The following CCDC25 variants were observed in gnomAD, a reference collection of about 807,000 sequenced individuals.
CCDC25 encodes the protein coiled-coil domain containing 25.
CCDC25 carries 16 observed loss-of-function variants against 35.3 expected under a neutral mutation model. The observed-to-expected ratio is 0.45, with a 90% CI of 0.31 to 0.69. CCDC25 has a LOEUF of 0.69. CCDC25 is among the 30% of genes least tolerant of loss of function. The pLI is 0.06. For missense variants in CCDC25, 179 were observed against 250.7 expected (o/e 0.71, Z 1.93); for synonymous variants, 79 against 80.3 (o/e 0.98, Z 0.09).
intron 4 of CCDC25, 110 bp downstream of exon 4, chr8:27,756,609 G>C: frequency 2.8e-6 from 2 of 726,682 alleles, no homozygotes; most frequent in South Asian, 3.4e-5. Context: ...TTAACTTTTA[G>C]ATTTGCGTAC....
intron 1 of CCDC25, among the ~76,000 whole-genome samples, chr8:27,771,516 GCTCT>G (rs370757524): frequency 5.9e-4 from 90 of 151,544 alleles, no homozygotes; most frequent in African/African-American, 1.6e-3. Context: ...AGGTGACTCT[GCTCT>G]CTCTCTCTCT....
chr8:27,749,796 A>T (rs1803730245), intron 5 of CCDC25, among the ~76,000 whole-genome samples: 1 of 152,232 alleles, frequency 6.6e-6, no homozygotes, highest in African/African-American at 2.4e-5. Context: ...ACAGTTATTT[A>T]AGACAACGTC....
Position 27,737,875 on chromosome 8 carries a change from T to TACACACACACACACACACACACAC in CCDC25, c.598-1631_598-1630insGTGTGTGTGTGTGTGTGTGTGTGT, listed in dbSNP as rs200945575. Reference sequence around the variant, plus strand: ...GGATAAAGAAACTGTGGTGTGTGTATACACACACTCACACACACACACACA... The same window carrying TACACACACACACACACACACACAC: ...GGATAAAGAAACTGTGGTGTGTGTATACACACACACACACACACACACACACACACACTCACACACACACACACA... On this transcript the variant is annotated intron_variant, in intron 8 of 8. Coordinates refer to ENST00000356537, the MANE Select transcript of CCDC25 (RefSeq NM_018246.3). This position sits in a 1 kb window ranked among gnomAD's most constrained non-coding sequence, Gnocchi z 4.6. Among the ~76,000 whole-genome samples the TACACACACACACACACACACACAC allele has an allele frequency of 7.3e-6, 1 of 136,076 alleles. No individual in the cohort carries two copies. The highest frequency in any genetic ancestry group is 2.7e-5 in the African/African-American group (1 of 37,524). The allele number at this position is 136,076 out of a possible 152,430, so 89.3% of individuals were successfully genotyped here.
intron 7 of CCDC25, among the ~76,000 whole-genome samples, chr8:27,742,879 A>C (rs1803487602): frequency 6.6e-6 from 1 of 152,084 alleles, no homozygotes; most frequent in African/African-American, 2.4e-5. Context: ...AAACAAAACA[A>C]AACAAAAAAA....
At chr8:27,762,555 ATT>A in intron 2 of CCDC25, 97 bp from the exon 3 acceptor site, 1 of 1,035,452 alleles carries the variant, frequency 9.7e-7, no homozygotes, top group Non-Finnish European at 1.5e-6. Context: ...CCTCCCACAA[ATT>A]TCTCTCTCCC....
chr8:27,757,575 C>T (rs777335923), intron 3 of CCDC25, among the ~76,000 whole-genome samples: 5 of 152,002 alleles, frequency 3.3e-5, no homozygotes, highest in Non-Finnish European at 5.9e-5. Context: ...TTAATTAAAC[C>T]TTTTAAAATC....
chr8:27,735,239 A>G lies in CCDC25; in HGVS notation c.*977T>C, dbSNP rs1429100091. The G allele has an allele frequency of 6.6e-6, 1 of 152,644 alleles. No homozygotes were observed. Among genetic ancestry groups the G allele is most frequent in the Non-Finnish European group, 1.5e-5 (1 of 68,052 alleles). The allele number at this position is 152,644 out of a possible 1,614,324, so 9.5% of individuals were successfully genotyped here. A position where few individuals can be genotyped will look rare whatever the true frequency, so the allele number is the denominator to read the frequency against. On this transcript the variant is annotated 3_prime_UTR_variant, in exon 9 of 9. Transcript: ENST00000356537. ...AACCCCATACACCAACATGGAATAA[A>G]TGGAAACACTAGCCTTTTGGTTTTG...
Position 27,734,484 on chromosome 8 carries a change from C to T in CCDC25, c.*1732G>A, listed in dbSNP as rs1181208136. 6.6e-6 allele frequency: 1 copy of T among 152,114 alleles called. No homozygotes were observed. Among genetic ancestry groups the T allele is most frequent in the East Asian group, 1.9e-4 (1 of 5,194 alleles). 9.4% of individuals were successfully genotyped at this position (152,114 alleles called of 1,614,324 possible). The stretch of plus-strand genomic sequence containing the variant: ...ACAGTTTGACCTGTGGGCAATCAAC[C>T]TATAAGTCCTCAAAAGAAAATTTCC... On this transcript the variant is annotated 3_prime_UTR_variant, in exon 9 of 9. Transcript: ENST00000356537.
intron 2 of CCDC25, among the ~76,000 whole-genome samples, chr8:27,762,670 A>C (rs1804267853): frequency 6.6e-6 from 1 of 152,106 alleles, no homozygotes. Flanking sequence ...TTATAAATTT[A>C]TATAATACTT....
At chr8:27,772,470 C>A in intron 1 of CCDC25, 43 bp downstream of exon 1, 1 of 1,543,778 alleles carries the variant, frequency 6.5e-7, no homozygotes, top group East Asian at 2.5e-5. Context: ...GGCTTCGGAG[C>A]CCGCTGTCCA....
chr8:27,739,910 C>G (rs879275150), intron 8 of CCDC25, among the ~76,000 whole-genome samples: 3 of 152,152 alleles, frequency 2.0e-5, no homozygotes, highest in Non-Finnish European at 4.4e-5. Flanking sequence ...TGACATAGTT[C>G]CAATCAAATA....
At chr8:27,759,779 C>CAAAAAAAAAA (rs77051762) in intron 3 of CCDC25, among the ~76,000 whole-genome samples, 1 of 91,266 alleles carries the variant, frequency 1.1e-5, no homozygotes, top group Non-Finnish European at 2.0e-5. Context: ...GACTCTGTCT[C>CAAAAAAAAAA]AAAAAAAAAA....
intron 1 of CCDC25, among the ~76,000 whole-genome samples, chr8:27,766,085 C>A (rs578123975): frequency 1.3e-5 from 2 of 152,350 alleles, no homozygotes; most frequent in South Asian, 4.1e-4. Context: ...TAACTGAGTG[C>A]CAGGTTTCAA....
At chr8:27,758,878 A>ACTGC (rs1444267131) in intron 3 of CCDC25, among the ~76,000 whole-genome samples, 2 of 152,206 alleles carry the variant, frequency 1.3e-5, no homozygotes, top group Non-Finnish European at 2.9e-5. Context: ...CAGGAATATC[A>ACTGC]CTGCCAAAAT....
chr8:27,752,617 A>C, intron 4 of CCDC25, 30 bp from the exon 5 acceptor site: 1 of 1,545,026 alleles, frequency 6.5e-7, no homozygotes, highest in Non-Finnish European at 8.9e-7. Flanking sequence ...CAATTGGTCC[A>C]CTACCTCATT....
intron 7 of CCDC25, among the ~76,000 whole-genome samples, chr8:27,743,594 C>G (rs1308810826): frequency 6.6e-6 from 1 of 152,206 alleles, no homozygotes; most frequent in Non-Finnish European, 1.5e-5. Flanking sequence ...ATCTTGGCTT[C>G]AAGACCACCA....
At chr8:27,743,479 A>C (rs1290282819) in intron 7 of CCDC25, among the ~76,000 whole-genome samples, 2 of 152,188 alleles carry the variant, frequency 1.3e-5, no homozygotes, top group Non-Finnish European at 2.9e-5. Flanking sequence ...GACATTTGGG[A>C]CTTTAGTCCT....
intron 1 of CCDC25, among the ~76,000 whole-genome samples, chr8:27,769,971 G>A (rs545507460): frequency 7.9e-5 from 12 of 152,122 alleles, no homozygotes; most frequent in East Asian, 5.8e-4. Context: ...GTGAAACCCC[G>A]TTTCTACTAA....
chr8:27,760,245 CCATTT>C (rs1246508168), intron 3 of CCDC25, among the ~76,000 whole-genome samples: 1 of 152,152 alleles, frequency 6.6e-6, no homozygotes, highest in Non-Finnish European at 1.5e-5. Context: ...AATTTCTCTT[CCATTT>C]ATTTAAACAA....
Sources: allele counts gnomAD v4.1 joint callset (sites outside exome capture counted in the v4.1 genomes callset), GRCh38; gene constraint gnomAD v4.1.1; non-coding constraint Gnocchi (gnomAD v3.1); transcripts MANE v1.5; gene names NCBI Gene and HGNC (gene_info 2026-07-23, HGNC 2026-07-21).